The following TEC variants were observed in gnomAD, a reference collection of about 807,000 sequenced individuals.
TEC encodes tyrosine-protein kinase Tec.
A neutral mutation model predicts 93.0 loss-of-function variants in TEC; 72 were observed. The ratio of observed to expected loss-of-function variants is 0.77; its 90% CI spans 0.64 to 0.94. TEC has a LOEUF of 0.94. Among genes scored for constraint, TEC ranks in the 40% least tolerant of loss-of-function variants. TEC has a pLI of 0.00. For missense variants in TEC, 630 were observed against 757.9 expected, an observed-to-expected ratio of 0.83 and a Z score of 1.98; for synonymous variants, 249 against 247.7, an observed-to-expected ratio of 1.01 and a Z score of -0.05.
intron 2 of TEC, among the ~76,000 whole-genome samples, chr4:48,221,352 C>T (rs566973007): frequency 6.6e-6 from 1 of 152,294 alleles, no homozygotes; most frequent in Non-Finnish European, 1.5e-5. Context: ...TGGGTGAGTT[C>T]TCACAAGATC....
At chr4:48,192,769 T>G (rs1722137557) in intron 2 of TEC, among the ~76,000 whole-genome samples, 1 of 152,206 alleles carries the variant, frequency 6.6e-6, no homozygotes, top group Non-Finnish European at 1.5e-5. Context: ...TATTCCAACT[T>G]AGAAAGAACT....
chr4:48,251,414 G>A (rs1226555152), intron 1 of TEC, among the ~76,000 whole-genome samples: 1 of 151,846 alleles, frequency 6.6e-6, no homozygotes, highest in African/African-American at 2.4e-5. Context: ...ACCTTCCTTT[G>A]ACTACCCAGT....
chr4:48,261,709 T>A (rs1229240665), intron 1 of TEC, among the ~76,000 whole-genome samples: 1 of 152,206 alleles, frequency 6.6e-6, no homozygotes, highest in African/African-American at 2.4e-5. Context: ...CTTGTAAGTA[T>A]CTCATATAGT....
chr4:48,215,257 A>C (rs1047860837), intron 2 of TEC, among the ~76,000 whole-genome samples: 1 of 152,248 alleles, frequency 6.6e-6, no homozygotes, highest in African/African-American at 2.4e-5. Flanking sequence ...CTGTAATCTC[A>C]GCCCTTTGGG....
At chr4:48,173,705 T>A (rs1046762650) in intron 3 of TEC, among the ~76,000 whole-genome samples, 4 of 152,224 alleles carry the variant, frequency 2.6e-5, no homozygotes, top group Non-Finnish European at 5.9e-5. Context: ...CATCCACTCA[T>A]TCATTTATTC....
chr4:48,237,688 A>C (rs1281758067), intron 1 of TEC, among the ~76,000 whole-genome samples: 1 of 152,222 alleles, frequency 6.6e-6, no homozygotes, highest in Admixed American at 6.5e-5. Context: ...CTACAGAATT[A>C]GCAATATTAT....
At chr4:48,176,251 G>A (rs1449248951) in intron 2 of TEC, 65 bp from the exon 3 acceptor site, 1 of 1,285,276 alleles carries the variant, frequency 7.8e-7, no homozygotes, top group South Asian at 1.3e-5. Flanking sequence ...CAGTAATATT[G>A]TTAAGGAAAT....
chr4:48,171,386 C>T lies in TEC; in HGVS notation c.307G>A (p.Val103Met). ...GTTTTACCTTCTTTTAACTTCTTCA[C>T]CCACAGGTCCCTGCTTTGTGGACTA... ...APSPQSRDLW[V>M]KKLKEEIKNN... Residue 103 changes from valine (V) to methionine (M), a missense_variant, in exon 4 of 18, where the codon GTG becomes ATG. Coordinates refer to ENST00000381501, the MANE Select transcript of TEC (RefSeq NM_003215.3). The T allele has an allele frequency of 6.2e-7, 1 of 1,613,400 alleles. No individual in the cohort carries two copies. The highest frequency in any genetic ancestry group is 8.5e-7 in the Non-Finnish European group (1 of 1,179,742).
At chr4:48,201,821 A>T (rs772973520) in intron 2 of TEC, among the ~76,000 whole-genome samples, 3 of 152,162 alleles carry the variant, frequency 2.0e-5, no homozygotes, top group Non-Finnish European at 4.4e-5. Context: ...TCCATGCCAG[A>T]GGAGGGGAGG....
chr4:48,269,112 TG>T (rs35454850), intron 1 of TEC, among the ~76,000 whole-genome samples: 4 of 81,440 alleles, frequency 4.9e-5, no homozygotes, highest in Non-Finnish European at 7.4e-5. Flanking sequence ...GGCGGGGTAT[TG>T]GGGGGGTGGG....
At chr4:48,163,977 G>C (rs1720778303) in intron 7 of TEC, among the ~76,000 whole-genome samples, 1 of 152,134 alleles carries the variant, frequency 6.6e-6, no homozygotes. Flanking sequence ...TTCTGCGGTA[G>C]GCAGGCATTA....
chr4:48,258,334 G>T (rs6841460), intron 1 of TEC, among the ~76,000 whole-genome samples: 3,999 of 151,988 alleles, frequency 0.026, 172 homozygotes, highest in African/African-American at 0.09. Flanking sequence ...TAGAGACAAG[G>T]TTTCACCATG....
intron 2 of TEC, among the ~76,000 whole-genome samples, chr4:48,195,583 T>A (rs1409856333): frequency 1.3e-5 from 2 of 152,208 alleles, no homozygotes; most frequent in Non-Finnish European, 2.9e-5. Flanking sequence ...AAGTGCTCCA[T>A]AATTAATTAC....
intron 6 of TEC, among the ~76,000 whole-genome samples, chr4:48,168,343 C>T (rs1045173030): frequency 1.3e-5 from 2 of 152,136 alleles, no homozygotes; most frequent in African/African-American, 4.8e-5. Flanking sequence ...AAAATAGAGG[C>T]AAAATGCCAG....
At chr4:48,187,129 A>AC (rs1007168466) in intron 2 of TEC, among the ~76,000 whole-genome samples, 12 of 152,098 alleles carry the variant, frequency 7.9e-5, no homozygotes, top group African/African-American at 2.9e-4. Flanking sequence ...CTATAACCTT[A>AC]CCCCCAACCC....
intron 1 of TEC, among the ~76,000 whole-genome samples, chr4:48,265,474 T>C (rs1328989760): frequency 9.9e-6 from 1 of 100,618 alleles, no homozygotes; most frequent in African/African-American, 3.3e-5. Flanking sequence ...CACACACATA[T>C]ATACGTGTGT....
chr4:48,209,268 T>C (rs976492234), intron 2 of TEC, among the ~76,000 whole-genome samples: 1 of 152,186 alleles, frequency 6.6e-6, no homozygotes, highest in Non-Finnish European at 1.5e-5. Flanking sequence ...AAGTTGATGA[T>C]AGAAAACTAT....
At chr4:48,231,073 T>C (rs1049419657) in intron 1 of TEC, among the ~76,000 whole-genome samples, 4 of 152,204 alleles carry the variant, frequency 2.6e-5, no homozygotes, top group African/African-American at 4.8e-5. Flanking sequence ...TTAATACAGA[T>C]GTCTAGGCTC....
intron 1 of TEC, among the ~76,000 whole-genome samples, chr4:48,250,798 A>G (rs1724179254): frequency 6.6e-6 from 1 of 152,222 alleles, no homozygotes; most frequent in Admixed American, 6.5e-5. Flanking sequence ...CCACAGACAC[A>G]TGGGCAAGCC....
Sources: allele counts gnomAD v4.1 joint callset (sites outside exome capture counted in the v4.1 genomes callset), GRCh38; gene constraint gnomAD v4.1.1; transcripts MANE v1.5; gene names NCBI Gene and HGNC (gene_info 2026-07-23, HGNC 2026-07-21).